Variants in AOAH observed in about 807,000 individuals in gnomAD.
AOAH encodes the protein acyloxyacyl hydrolase.
Under a neutral mutation model 92.2 loss-of-function variants are expected in AOAH, and 64 were observed. That is an observed-to-expected ratio of 0.69 (90% CI 0.57 to 0.86). AOAH has a LOEUF of 0.86. AOAH is among the 40% of genes least tolerant of loss of function. The pLI is 0.00. For synonymous variants in AOAH, 263 were observed against 254.5 expected, an observed-to-expected ratio of 1.03 and a Z score of -0.32; for missense variants, 656 against 694.6, an observed-to-expected ratio of 0.94 and a Z score of 0.62.
At chr7:36,553,875 G>A (rs1562562933) in intron 13 of AOAH, among the ~76,000 whole-genome samples, 2 of 152,106 alleles carry the variant, frequency 1.3e-5, no homozygotes, top group Admixed American at 6.5e-5. Context: ...TGTAGATTCT[G>A]GATATTAGCC....
intron 1 of AOAH, among the ~76,000 whole-genome samples, chr7:36,713,291 A>C (rs1298245145): frequency 7.3e-6 from 1 of 136,406 alleles, no homozygotes; most frequent in African/African-American, 2.7e-5. Flanking sequence ...TCCTAAATAT[A>C]TATGCACCCA....
chr7:36,650,376 A>G (rs1035741668), intron 4 of AOAH, among the ~76,000 whole-genome samples: 11 of 152,136 alleles, frequency 7.2e-5, no homozygotes, highest in African/African-American at 2.7e-4. Context: ...AAGGGGTAGA[A>G]ATCAAGGAAT....
At chr7:36,619,695 T>C (rs1290525497) in intron 9 of AOAH, among the ~76,000 whole-genome samples, 1 of 152,158 alleles carries the variant, frequency 6.6e-6, no homozygotes, top group Non-Finnish European at 1.5e-5. Flanking sequence ...GCCATGGGAC[T>C]GGAAAGCATG....
chr7:36,587,137 C>T (rs1789393166), intron 12 of AOAH, among the ~76,000 whole-genome samples: 1 of 151,656 alleles, frequency 6.6e-6, no homozygotes, highest in Non-Finnish European at 1.5e-5. Context: ...ATGGGTGTGG[C>T]AGCGTGTGCC....
Position 36,611,651 on chromosome 7 carries a change from C to T in AOAH, c.846+4729G>A, listed in dbSNP as rs142751224. ...TGGAGAAAGTGTGGGCCCCAGGTTA[C>T]GAAGACACTCCTTTCCTCAGCCTCT... On this transcript the variant is annotated intron_variant, in intron 11 of 20. Coordinates refer to ENST00000617537, the MANE Select transcript of AOAH (RefSeq NM_001637.4). Among the ~76,000 whole-genome samples the T allele has an allele frequency of 3.0e-3, 462 of 152,218 alleles. 3 individuals carry two copies. The highest frequency in any genetic ancestry group is 0.011 in the African/African-American group (440 of 41,532).
chr7:36,528,018 A>G (rs749620825), intron 19 of AOAH, among the ~76,000 whole-genome samples: 4 of 152,232 alleles, frequency 2.6e-5, no homozygotes, highest in Admixed American at 6.5e-5. Context: ...GCTCTTTCAG[A>G]GGTGGACATG....
At chr7:36,532,467 T>G (rs1405072874) in intron 16 of AOAH, 123 bp from the exon 17 acceptor site, 5 of 865,668 alleles carry the variant, frequency 5.8e-6, no homozygotes, top group Middle Eastern at 3.3e-4. Flanking sequence ...CCCTGATTTT[T>G]CATGCAGCAT....
intron 1 of AOAH, among the ~76,000 whole-genome samples, chr7:36,722,014 A>G (rs2117050159): frequency 6.6e-6 from 1 of 152,256 alleles, no homozygotes; most frequent in Admixed American, 6.5e-5. Flanking sequence ...CTCCCAGATG[A>G]GCCAACCCTC....
At chr7:36,667,640 G>A (rs1277230517) in intron 3 of AOAH, among the ~76,000 whole-genome samples, 2 of 152,176 alleles carry the variant, frequency 1.3e-5, no homozygotes, top group African/African-American at 4.8e-5. Flanking sequence ...GTCCGTTTCT[G>A]ATAGAGGGAT....
At chr7:36,648,059 T>C (rs1379550318) in intron 4 of AOAH, among the ~76,000 whole-genome samples, 2 of 152,152 alleles carry the variant, frequency 1.3e-5, no homozygotes, top group African/African-American at 4.8e-5. Flanking sequence ...CTCGAACTCC[T>C]GACCTCAGGT....
rs1306399507 is a variant in AOAH at position 36,656,877 on chromosome 7, T to G, written c.390+2289A>C. 8.6e-4 allele frequency among the ~76,000 whole-genome samples: 109 copies of G among 126,308 alleles called. 1 individual carries two copies. The highest frequency in any genetic ancestry group is 1.1e-3 in the African/African-American group (35 of 30,802). The allele number at this position is 126,308 out of a possible 152,430, so 82.9% of individuals were successfully genotyped here. A position where few individuals can be genotyped will look rare whatever the true frequency, so the allele number is the denominator to read the frequency against. On this transcript the variant is annotated intron_variant, in intron 4 of 20. Coordinates refer to ENST00000617537, the MANE Select transcript of AOAH (RefSeq NM_001637.4). ...AGGGGAGGGGTGGCACAAAGAGGTT[T>G]GGTGGGGGGTGTTGGCAGTACCAAG...
chr7:36,641,578 T>C (rs1190777773), intron 4 of AOAH, among the ~76,000 whole-genome samples: 1 of 152,252 alleles, frequency 6.6e-6, no homozygotes, highest in Non-Finnish European at 1.5e-5. Flanking sequence ...GATATTTCCT[T>C]TGAAAGCTCG....
At chr7:36,697,196 T>C (rs961417383) in intron 1 of AOAH, among the ~76,000 whole-genome samples, 8 of 152,210 alleles carry the variant, frequency 5.3e-5, no homozygotes, top group African/African-American at 1.7e-4. Flanking sequence ...ATGTCCTTTA[T>C]CAGGTTGAGG....
At chr7:36,684,920 AAAAAAAAAAAAAAAAAAAAGAAGAAG>A (rs1796882347) in intron 2 of AOAH, among the ~76,000 whole-genome samples, 1 of 118,460 alleles carries the variant, frequency 8.4e-6, no homozygotes, top group African/African-American at 3.5e-5. Context: ...AAAAAAAAAA[AAAAAAAAAAAAAAAAAAAAGAAGAAG>A]AAGAAGAAGA....
chr7:36,663,274 C>A (rs930182790), intron 3 of AOAH, among the ~76,000 whole-genome samples: 1 of 152,158 alleles, frequency 6.6e-6, no homozygotes, highest in Non-Finnish European at 1.5e-5. Flanking sequence ...TATCTGCCAC[C>A]AGTAATTTCT....
chr7:36,615,316 A>C (rs1203238401), intron 11 of AOAH, among the ~76,000 whole-genome samples: 1 of 152,252 alleles, frequency 6.6e-6, no homozygotes, highest in Admixed American at 6.5e-5. Flanking sequence ...ATAGCAAATA[A>C]GAAAATACCA....
rs185341122 is a variant in AOAH, at chr7:36,548,902, C to T, written c.1059-216G>A. On this transcript the variant is annotated intron_variant, in intron 14 of 20. Coordinates refer to ENST00000617537, the MANE Select transcript of AOAH (RefSeq NM_001637.4). ...CCACTTGCCTATTAGAGAAAGGCCA[C>T]ATAAATGCATAAAATTGAAAAGAAT... is the stretch of plus-strand genomic sequence containing the variant. 5.4e-3 allele frequency among the ~76,000 whole-genome samples: 818 copies of T among 152,286 alleles called. 26 individuals are homozygous for T. The highest frequency in any genetic ancestry group is 0.048 in the Admixed American group (741 of 15,292).
intron 6 of AOAH, among the ~76,000 whole-genome samples, chr7:36,626,755 T>A (rs982200597): frequency 6.6e-6 from 1 of 152,160 alleles, no homozygotes; most frequent in Non-Finnish European, 1.5e-5. Flanking sequence ...TCAAATCATA[T>A]CTGGCTCCAA....
chr7:36,714,022 A>G (rs1798959673), intron 1 of AOAH, among the ~76,000 whole-genome samples: 1 of 152,334 alleles, frequency 6.6e-6, no homozygotes, highest in African/African-American at 2.4e-5. Flanking sequence ...CCTTCAAAAA[A>G]TCAATGAATC....
Sources: allele counts gnomAD v4.1 joint callset (sites outside exome capture counted in the v4.1 genomes callset), GRCh38; gene constraint gnomAD v4.1.1; transcripts MANE v1.5; gene names NCBI Gene and HGNC (gene_info 2026-07-23, HGNC 2026-07-21).